TSPAN11: variants seen among roughly 807,000 people sequenced by gnomAD.
TSPAN11 encodes the protein tetraspanin 11.
A neutral mutation model predicts 32.9 loss-of-function variants in TSPAN11; 29 were observed. The ratio of observed to expected loss-of-function variants is 0.88; its 90% confidence interval spans 0.66 to 1.20. The LOEUF (loss-of-function observed/expected upper bound fraction) is 1.20. TSPAN11 is among the 50% of genes most tolerant of loss of function. The pLI is 0.00. For missense variants in TSPAN11, 283 were observed against 329.1 expected, an observed-to-expected ratio of 0.86 and a Z score of 1.08; for synonymous variants, 140 against 141.3, an observed-to-expected ratio of 0.99 and a Z score of 0.07.
chr12:30,964,154 C>T lies in TSPAN11; in HGVS notation c.276+137C>T, dbSNP rs1039689401. 7 of 1,135,356 alleles carry T rather than the reference C, an allele frequency of 6.2e-6. No homozygotes were observed. In the African/African-American group the frequency reaches 7.8e-5, roughly 13 times the overall value. 70.3% of individuals were successfully genotyped at this position (1,135,356 alleles called of 1,614,324 possible). Reference sequence around the variant, plus strand: ...GAGTGCCCGAGAAGGGGTGGCTGCTCCTGGGTCTGGGGTTTGCCACGGTCT... The same window carrying T: ...GAGTGCCCGAGAAGGGGTGGCTGCTTCTGGGTCTGGGGTTTGCCACGGTCT... On this transcript the variant is annotated intron_variant, in intron 3 of 7. Transcript: ENST00000546076.
At chr12:30,950,259 C>T (rs780586785) in intron 1 of TSPAN11, among the ~76,000 whole-genome samples, 56 of 152,200 alleles carry the variant, frequency 3.7e-4, no homozygotes, top group Non-Finnish European at 6.9e-4. Flanking sequence ...ATACTCTGTA[C>T]CAGTGGCCTC....
chr12:30,944,530 A>G lies in TSPAN11; in HGVS notation c.-11-9451A>G, dbSNP rs148763667. Reference sequence around the variant, plus strand: ...TAACATAAGCCATTTCTGTGTCTATATCCAAAGGAAGTGAAATCAGTATGT... The same window carrying G: ...TAACATAAGCCATTTCTGTGTCTATGTCCAAAGGAAGTGAAATCAGTATGT... On this transcript the variant is annotated intron_variant, in intron 1 of 7. Transcript: ENST00000546076. Among the ~76,000 whole-genome samples the G allele has an allele frequency of 4.0e-3, 613 of 152,202 alleles. 1 individual carries two copies. The highest frequency in any genetic ancestry group is 6.5e-3 in the Non-Finnish European group (441 of 68,026).
At chr12:30,941,165 C>A (rs1451462043) in intron 1 of TSPAN11, among the ~76,000 whole-genome samples, 2 of 152,132 alleles carry the variant, frequency 1.3e-5, no homozygotes, top group Non-Finnish European at 2.9e-5. Flanking sequence ...AAATACAGAT[C>A]AAAAATACAG....
At chr12:30,956,212 G>C (rs1938475172) in intron 2 of TSPAN11, among the ~76,000 whole-genome samples, 1 of 152,252 alleles carries the variant, frequency 6.6e-6, no homozygotes, top group Non-Finnish European at 1.5e-5. Flanking sequence ...CCAAGGTTCA[G>C]CTTCAGTCTC....
chr12:30,932,384 G>C (rs890102694), intron 1 of TSPAN11, among the ~76,000 whole-genome samples: 1 of 152,100 alleles, frequency 6.6e-6, no homozygotes, highest in Non-Finnish European at 1.5e-5. Context: ...ACACAATTCC[G>C]ATTTCATAGT....
At chr12:30,978,708 T>A (rs558374506) in intron 4 of TSPAN11, 73 bp downstream of exon 4, 2 of 1,512,746 alleles carry the variant, frequency 1.3e-6, no homozygotes, top group African/African-American at 2.7e-5. Flanking sequence ...GAGGTTTGCA[T>A]TGTGATGAGG....
rs534268384 is a variant in TSPAN11, at chr12:30,941,019, G to A, written c.-11-12962G>A. Among the ~76,000 whole-genome samples the A allele has an allele frequency of 1.4e-4, 22 of 152,312 alleles. No individual in the cohort carries two copies. The East Asian group carries it at 2.9e-3, about 20-fold the overall frequency. On this transcript the variant is annotated intron_variant, in intron 1 of 7. Coordinates refer to ENST00000546076, the MANE Select transcript of TSPAN11 (RefSeq NM_001370302.1). Reference sequence around the variant, plus strand: ...CATCCTCCCCCTACCTCCACCATCCGTGGAAAAATTGTCTTCCACGAAACC... The same window carrying A: ...CATCCTCCCCCTACCTCCACCATCCATGGAAAAATTGTCTTCCACGAAACC...
intron 7 of TSPAN11, among the ~76,000 whole-genome samples, chr12:30,989,974 C>T (rs536263304): frequency 1.3e-5 from 2 of 152,342 alleles, no homozygotes; most frequent in South Asian, 2.1e-4. Context: ...CCAGCACCTG[C>T]GGTTAGCTGG....
chr12:31,008,977 C>T, the TSPAN11 span, among the ~76,000 whole-genome samples: 1 of 152,162 alleles, frequency 6.6e-6, no homozygotes. Flanking sequence ...GACAGGTAAG[C>T]CAGGCTTTCA....
At chr12:30,988,725 G>A (rs985213518) in intron 7 of TSPAN11, 2 of 152,098 alleles carry the variant, frequency 1.3e-5, no homozygotes, top group Admixed American at 1.3e-4. Flanking sequence ...ACATACATTC[G>A]GGGTTCAGAG....
At chr12:30,941,691 G>T (rs1032555720) in intron 1 of TSPAN11, among the ~76,000 whole-genome samples, 3 of 152,214 alleles carry the variant, frequency 2.0e-5, no homozygotes, top group Non-Finnish European at 4.4e-5. Flanking sequence ...GTCACCTTCT[G>T]GACTTGATGA....
At chr12:30,945,843 T>A (rs979202563) in intron 1 of TSPAN11, among the ~76,000 whole-genome samples, 1 of 152,162 alleles carries the variant, frequency 6.6e-6, no homozygotes, top group Admixed American at 6.5e-5. Context: ...GTCTATGACA[T>A]TAATGGCCCC....
intron 7 of TSPAN11, 107 bp downstream of exon 7, chr12:30,983,257 C>T (rs1939132904): frequency 9.5e-7 from 1 of 1,052,128 alleles, no homozygotes; most frequent in Non-Finnish European, 1.4e-6. Context: ...ACCCTTTGCA[C>T]ACCCGCACCC....
chr12:30,958,066 G>C (rs981002878), intron 2 of TSPAN11, among the ~76,000 whole-genome samples: 4 of 151,972 alleles, frequency 2.6e-5, no homozygotes, highest in East Asian at 1.9e-4. Context: ...GCTGGGAGAG[G>C]GGGGCAGGGA....
intron 1 of TSPAN11, among the ~76,000 whole-genome samples, chr12:30,935,882 A>C (rs1293660686): frequency 6.6e-6 from 1 of 152,180 alleles, no homozygotes; most frequent in Non-Finnish European, 1.5e-5. Context: ...CCTAGGTGAC[A>C]TGGTCTCTGC....
intron 2 of TSPAN11, among the ~76,000 whole-genome samples, chr12:30,960,845 C>T (rs1467560578): frequency 6.6e-6 from 1 of 151,722 alleles, no homozygotes; most frequent in African/African-American, 2.4e-5. Flanking sequence ...TCAAGACCAG[C>T]CTGACCAACT....
At chr12:30,930,033 G>A (rs1937887357) in intron 1 of TSPAN11, among the ~76,000 whole-genome samples, 1 of 152,172 alleles carries the variant, frequency 6.6e-6, no homozygotes, top group African/African-American at 2.4e-5. Context: ...CGGAGACTGT[G>A]GAGAGAAGGG....
intron 7 of TSPAN11, among the ~76,000 whole-genome samples, chr12:30,988,972 C>A (rs1488157279): frequency 6.6e-6 from 1 of 152,234 alleles, no homozygotes; most frequent in Non-Finnish European, 1.5e-5. Context: ...CTAAAAATGT[C>A]ACAGTAGCCC....
At chr12:30,953,077 A>C (rs779854126) in intron 1 of TSPAN11, among the ~76,000 whole-genome samples, 7 of 152,142 alleles carry the variant, frequency 4.6e-5, no homozygotes, top group Non-Finnish European at 7.3e-5. Flanking sequence ...CTTCCCAGAG[A>C]GTCCATCAGT....
Sources: allele counts gnomAD v4.1 joint callset (sites outside exome capture counted in the v4.1 genomes callset), GRCh38; gene constraint gnomAD v4.1.1; transcripts MANE v1.5; gene names NCBI Gene and HGNC (gene_info 2026-07-23, HGNC 2026-07-21).